The following SSBP2 variants were observed in gnomAD, a reference collection of about 807,000 sequenced individuals.
SSBP2 encodes single stranded DNA binding protein 2, also known as single-stranded DNA-binding protein 2.
A neutral mutation model predicts 61.8 loss-of-function variants in SSBP2; 17 were observed. The ratio of observed to expected loss-of-function variants is 0.28; its 90% CI spans 0.19 to 0.41. The LOEUF (loss-of-function observed/expected upper bound fraction) is 0.41, where lower values mean the gene tolerates loss of function less well. Among genes scored for constraint, SSBP2 ranks in the 10% least tolerant of loss-of-function variants. SSBP2 has a pLI of 1.00. For synonymous variants in SSBP2, 139 were observed against 141.3 expected, an observed-to-expected ratio of 0.98 and a Z score of 0.12; for missense variants, 310 against 458.7, an observed-to-expected ratio of 0.68 and a Z score of 2.96.
intron 11 of SSBP2, among the ~76,000 whole-genome samples, chr5:81,448,482 C>T (rs1467690937): frequency 2.0e-5 from 3 of 151,802 alleles, no homozygotes; most frequent in African/African-American, 2.4e-5. Flanking sequence ...CCTGGAGAAC[C>T]GCAAATTCAA....
chr5:81,491,699 TG>T (rs1252590979), intron 5 of SSBP2, among the ~76,000 whole-genome samples: 2 of 152,104 alleles, frequency 1.3e-5, no homozygotes, highest in East Asian at 1.9e-4. Flanking sequence ...CAAATTTGTA[TG>T]TTTTTTTGGA....
chr5:81,692,196 G>T (rs1451835215), intron 1 of SSBP2, among the ~76,000 whole-genome samples: 1 of 152,014 alleles, frequency 6.6e-6, no homozygotes, highest in Admixed American at 6.6e-5. Context: ...AAAATCAGAA[G>T]CATTTCTATA....
intron 9 of SSBP2, among the ~76,000 whole-genome samples, chr5:81,463,758 CT>C (rs938398439): frequency 0.072 from 6,934 of 96,376 alleles, 216 homozygotes; most frequent in African/African-American, 0.2. Context: ...GAAAAATCCT[CT>C]TTTTTTTTTT....
intron 1 of SSBP2, among the ~76,000 whole-genome samples, chr5:81,736,229 A>G (rs966475696): frequency 6.6e-6 from 1 of 151,942 alleles, no homozygotes; most frequent in Admixed American, 6.6e-5. Flanking sequence ...AGAAACTATC[A>G]CAGCCTCACT....
At chr5:81,579,432 A>T (rs1022432371) in intron 4 of SSBP2, among the ~76,000 whole-genome samples, 2 of 152,118 alleles carry the variant, frequency 1.3e-5, no homozygotes, top group African/African-American at 4.8e-5. Flanking sequence ...CAAAAGAGAA[A>T]AATTAGCAGA....
At chr5:81,469,523 C>T (rs371628011) in intron 8 of SSBP2, among the ~76,000 whole-genome samples, 1 of 151,870 alleles carries the variant, frequency 6.6e-6, no homozygotes, top group South Asian at 2.1e-4. Context: ...ATTATCTAGA[C>T]TTTCCCCATT....
intron 4 of SSBP2, among the ~76,000 whole-genome samples, chr5:81,609,766 C>A (rs1581159370): frequency 6.6e-6 from 1 of 152,148 alleles, no homozygotes. Flanking sequence ...TTACATACAC[C>A]TACCCTTCCC....
chr5:81,415,144 G>A lies in SSBP2; in HGVS notation c.*5360C>T, dbSNP rs926780853. 6.6e-6 allele frequency: 1 copy of A among 152,162 alleles called. No homozygotes were observed. Among genetic ancestry groups the A allele is most frequent in the Non-Finnish European group, 1.5e-5 (1 of 68,056 alleles). 9.4% of individuals were successfully genotyped at this position (152,162 alleles called of 1,614,324 possible). A position where few individuals can be genotyped will look rare whatever the true frequency, so the allele number is the denominator to read the frequency against. On this transcript the variant is annotated 3_prime_UTR_variant, in exon 17 of 17. Transcript: ENST00000320672. ...ACAATAAACTTATTCCACCAGGAGG[G>A]AAAAACAGAAAGAAGATTCAACTAC...
At chr5:81,680,529 AAT>A (rs1752308280) in intron 1 of SSBP2, among the ~76,000 whole-genome samples, 1 of 151,930 alleles carries the variant, frequency 6.6e-6, no homozygotes, top group Non-Finnish European at 1.5e-5. Context: ...ACCCATCTTA[AAT>A]ATAAAAGACA....
intron 1 of SSBP2, among the ~76,000 whole-genome samples, chr5:81,740,544 C>T (rs1016884057): frequency 6.6e-6 from 1 of 152,150 alleles, no homozygotes; most frequent in African/African-American, 2.4e-5. Flanking sequence ...GCTCCTGTAT[C>T]ACACGGAGCT....
At chr5:81,720,842 T>C (rs1755498766) in intron 1 of SSBP2, among the ~76,000 whole-genome samples, 1 of 152,234 alleles carries the variant, frequency 6.6e-6, no homozygotes, top group South Asian at 2.1e-4. Context: ...CATTTTACTG[T>C]TGAACTGTTA....
intron 4 of SSBP2, among the ~76,000 whole-genome samples, chr5:81,603,166 T>C (rs1744543641): frequency 6.6e-6 from 1 of 152,216 alleles, no homozygotes; most frequent in African/African-American, 2.4e-5. Context: ...TGAATGGAGA[T>C]AATAATGACT....
intron 4 of SSBP2, among the ~76,000 whole-genome samples, chr5:81,523,580 G>A (rs898123893): frequency 1.3e-5 from 2 of 151,930 alleles, no homozygotes; most frequent in Non-Finnish European, 2.9e-5. Context: ...AAGTTAAATA[G>A]CATAAAAACT....
At chr5:81,554,288 T>C (rs10474033) in intron 4 of SSBP2, among the ~76,000 whole-genome samples, 14,822 of 152,062 alleles carry the variant, frequency 0.097, 839 homozygotes, top group African/African-American at 0.13. Context: ...TGTAACATAA[T>C]GGATTTAATT....
At chr5:81,595,586 T>A (rs948795428) in intron 4 of SSBP2, among the ~76,000 whole-genome samples, 2 of 152,022 alleles carry the variant, frequency 1.3e-5, no homozygotes, top group Non-Finnish European at 2.9e-5. Context: ...GATGCAAAAA[T>A]CCTCAATAAA....
chr5:81,495,398 C>T (rs1359344483), intron 5 of SSBP2, among the ~76,000 whole-genome samples: 1 of 152,140 alleles, frequency 6.6e-6, no homozygotes. Context: ...AAATATGATT[C>T]CCCAACACCA....
At chr5:81,613,540 C>T (rs1222944367) in intron 4 of SSBP2, among the ~76,000 whole-genome samples, 1 of 152,176 alleles carries the variant, frequency 6.6e-6, no homozygotes, top group Non-Finnish European at 1.5e-5. Context: ...TCACTTTTCC[C>T]CTTAAGATCT....
At chr5:81,537,151 T>C (rs574636359) in intron 4 of SSBP2, among the ~76,000 whole-genome samples, 3 of 152,304 alleles carry the variant, frequency 2.0e-5, no homozygotes, top group South Asian at 2.1e-4. Context: ...TAACGTGCTC[T>C]GATCTCACTG....
chr5:81,492,634 A>T (rs1330121673), intron 5 of SSBP2, among the ~76,000 whole-genome samples: 1 of 151,662 alleles, frequency 6.6e-6, no homozygotes, highest in East Asian at 1.9e-4. Context: ...TGAAGGTATC[A>T]TGATGGTGAA....
Sources: gnomAD v4.1 joint callset for allele counts (sites outside exome capture counted in the v4.1 genomes callset) on GRCh38, gnomAD v4.1.1 for gene constraint, MANE v1.5 for transcripts, NCBI Gene and HGNC (gene_info 2026-07-23, HGNC 2026-07-21) for gene names.